Variants in PSMD5 observed in about 807,000 individuals in gnomAD.
PSMD5 encodes the protein 26S proteasome non-ATPase regulatory subunit 5.
A neutral mutation model predicts 52.1 loss-of-function variants in PSMD5; 40 were observed. That is an observed-to-expected ratio of 0.77 (90% CI 0.60 to 1.00). PSMD5 has a LOEUF of 1.00. Among genes scored for constraint, PSMD5 ranks in the 50% least tolerant of loss-of-function variants. The pLI is 0.00. For synonymous variants in PSMD5, 211 were observed against 226.6 expected, an observed-to-expected ratio of 0.93 and a Z score of 0.62; for missense variants, 575 against 605.2, an observed-to-expected ratio of 0.95 and a Z score of 0.52.
In PSMD5 at chr9:120,831,975, C is replaced by T. The variant is rs2045164588; in HGVS notation, c.319-30G>A. 12 of 1,605,084 alleles carry T rather than the reference C, an allele frequency of 7.5e-6. No homozygotes were observed. The East Asian group carries it at 2.5e-4, about 33-fold the overall frequency. ...AAGAAAAACAATCAGAAACACTCTT[C>T]TAAAGTAGGGCAACATACGGTAAAC... On this transcript the variant is annotated intron_variant, in intron 2 of 9. Transcript: ENST00000210313.
intron 6 of PSMD5, among the ~76,000 whole-genome samples, chr9:120,825,318 C>T (rs879700552): frequency 6.6e-6 from 1 of 152,144 alleles, no homozygotes; most frequent in Admixed American, 6.5e-5. Context: ...CAACAGATTC[C>T]ACCTCAATAA....
chr9:120,841,302 G>A (rs561532022), intron 1 of PSMD5, among the ~76,000 whole-genome samples: 147 of 152,166 alleles, frequency 9.7e-4, no homozygotes, highest in African/African-American at 3.3e-3. Flanking sequence ...GAGATTGGCC[G>A]GGCGCAGTGG....
intron 1 of PSMD5, among the ~76,000 whole-genome samples, chr9:120,840,014 G>C (rs981370170): frequency 6.7e-6 from 1 of 149,980 alleles, no homozygotes; most frequent in Non-Finnish European, 1.5e-5. Flanking sequence ...TATAGTCCCA[G>C]CTACTCAGGA....
rs148674214 is a variant in PSMD5 at position 120,840,371 on chromosome 9, C to T, written c.173+2366G>A. 1.2e-3 allele frequency among the ~76,000 whole-genome samples: 184 copies of T among 151,972 alleles called. 4 individuals are homozygous for T. The East Asian group carries it at 0.032, about 26-fold the overall frequency. ...CAAAGCTCAAGCGATCCACCCGCCTCAGCCTCCCAAAGTGTTAGGATTACA... is the reference window on the plus strand; with the variant it reads ...CAAAGCTCAAGCGATCCACCCGCCTTAGCCTCCCAAAGTGTTAGGATTACA... On this transcript the variant is annotated intron_variant, in intron 1 of 9. Transcript: ENST00000210313.
At chr9:120,836,890 A>ATT (rs34718162) in intron 1 of PSMD5, among the ~76,000 whole-genome samples, 20 of 136,030 alleles carry the variant, frequency 1.5e-4, no homozygotes, top group African/African-American at 2.7e-4. Flanking sequence ...CGAAGAACCG[A>ATT]TTTTTTTTTT....
At chr9:120,833,672 C>CTTTTTTTTTTTTT (rs71385094) in intron 1 of PSMD5, among the ~76,000 whole-genome samples, 1 of 85,620 alleles carries the variant, frequency 1.2e-5, no homozygotes, top group Non-Finnish European at 2.1e-5. Context: ...CTCTAGTCTT[C>CTTTTTTTTTTTTT]TTTTTTTTTT....
Position 120,817,676 on chromosome 9 carries a change from A to T in PSMD5, c.*230T>A, listed in dbSNP as rs2131417217. The stretch of plus-strand genomic sequence containing the variant: ...TAAGGCAGTGAAAGGAATCTGAAAA[A>T]CACTGGATCTATTATGACCAAGCTT... On this transcript the variant is annotated 3_prime_UTR_variant, in exon 10 of 10. Coordinates refer to ENST00000210313, the MANE Select transcript of PSMD5 (RefSeq NM_005047.4). 2.0e-6 allele frequency: 1 copy of T among 491,918 alleles called. No individual in the cohort carries two copies. Among genetic ancestry groups the T allele is most frequent in the Non-Finnish European group, 3.6e-6 (1 of 281,130 alleles). The allele number at this position is 491,918 out of a possible 1,614,324, so 30.5% of individuals were successfully genotyped here. A position where few individuals can be genotyped will look rare whatever the true frequency, so the allele number is the denominator to read the frequency against.
At chr9:120,835,041 G>A (rs779166271) in intron 1 of PSMD5, among the ~76,000 whole-genome samples, 2 of 152,182 alleles carry the variant, frequency 1.3e-5, no homozygotes, top group Non-Finnish European at 2.9e-5. Flanking sequence ...TTTTGGGTAG[G>A]TAACTACATG....
Position 120,816,797 on chromosome 9 carries a change from A to G in PSMD5, c.*1109T>C, listed in dbSNP as rs1420970391. 4 of 152,192 alleles carry G rather than the reference A, an allele frequency of 2.6e-5. No individual in the cohort carries two copies. The highest frequency in any genetic ancestry group is 6.5e-5 in the Admixed American group (1 of 15,268). 9.4% of individuals were successfully genotyped at this position (152,192 alleles called of 1,614,324 possible). A position where few individuals can be genotyped will look rare whatever the true frequency, so the allele number is the denominator to read the frequency against. On this transcript the variant is annotated 3_prime_UTR_variant, in exon 10 of 10. Transcript: ENST00000210313. ...AGATTATCCTTTGTAAATTAATGAGATGGTATCCTGATTTATGCATATGTC... is the reference window on the plus strand; with the variant it reads ...AGATTATCCTTTGTAAATTAATGAGGTGGTATCCTGATTTATGCATATGTC...
chr9:120,841,079 G>A (rs577618439), intron 1 of PSMD5, among the ~76,000 whole-genome samples: 2 of 152,174 alleles, frequency 1.3e-5, no homozygotes, highest in South Asian at 2.1e-4. Flanking sequence ...CAAACACTAC[G>A]GATGTGTAAA....
intron 9 of PSMD5, among the ~76,000 whole-genome samples, chr9:120,819,893 C>G (rs950171225): frequency 6.6e-6 from 1 of 152,132 alleles, no homozygotes; most frequent in Non-Finnish European, 1.5e-5. Flanking sequence ...AGACCCAGAT[C>G]CTGTATCGCA....
At chr9:120,833,280 G>C (rs756227200) in intron 2 of PSMD5, 32 bp downstream of exon 2, 3 of 1,606,582 alleles carry the variant, frequency 1.9e-6, no homozygotes, top group South Asian at 1.1e-5. Context: ...CAGAGCAGGT[G>C]GTCAATGTCG....
intron 7 of PSMD5, among the ~76,000 whole-genome samples, chr9:120,822,356 A>G (rs1237850100): frequency 2.0e-5 from 3 of 152,196 alleles, no homozygotes; most frequent in East Asian, 3.8e-4. Context: ...CATAATTTGT[A>G]TGACCTTAGA....
At chr9:120,839,229 T>A (rs765880901) in intron 1 of PSMD5, among the ~76,000 whole-genome samples, 1 of 150,192 alleles carries the variant, frequency 6.7e-6, no homozygotes. Context: ...AGAAGTGGAG[T>A]GGAGGAAAAA....
chr9:120,833,466 A>G lies in PSMD5; in HGVS notation c.174-10T>C. Reference sequence around the variant, plus strand: ...CAAAGTAGTCTTTTCCCTGAAGGAGACATCATAAATCTTATTAGTTCATAT... The same window carrying G: ...CAAAGTAGTCTTTTCCCTGAAGGAGGCATCATAAATCTTATTAGTTCATAT... On this transcript the variant is annotated splice_polypyrimidine_tract_variant and intron_variant, in intron 1 of 9. Transcript: ENST00000210313. 6.2e-7 allele frequency: 1 copy of G among 1,611,518 alleles called. No individual in the cohort carries two copies. The highest frequency in any genetic ancestry group is 8.5e-7 in the Non-Finnish European group (1 of 1,178,324).
intron 5 of PSMD5, 132 bp from the exon 6 acceptor site, chr9:120,827,039 T>A: frequency 1.1e-6 from 1 of 915,948 alleles, no homozygotes. Context: ...TGGCTCCTCT[T>A]TTCACATGAA....
At chr9:120,837,228 T>G (rs1477016910) in intron 1 of PSMD5, among the ~76,000 whole-genome samples, 2 of 152,234 alleles carry the variant, frequency 1.3e-5, no homozygotes, top group Non-Finnish European at 2.9e-5. Context: ...TTCACCATGT[T>G]GGTCAGGCTG....
chr9:120,828,244 T>C (rs111609236), intron 5 of PSMD5, among the ~76,000 whole-genome samples: 1,735 of 151,826 alleles, frequency 0.011, 46 homozygotes, highest in African/African-American at 0.039. Flanking sequence ...AGGTAATCCA[T>C]CCGCCTCAGC....
intron 1 of PSMD5, chr9:120,841,667 T>TA (rs757859949): frequency 6.6e-6 from 1 of 152,214 alleles, no homozygotes; most frequent in Non-Finnish European, 1.5e-5. Flanking sequence ...CTCAATAACT[T>TA]AAATAACTGC....
Sources: gnomAD v4.1 joint callset for allele counts (sites outside exome capture counted in the v4.1 genomes callset) on GRCh38, gnomAD v4.1.1 for gene constraint, MANE v1.5 for transcripts, NCBI Gene and HGNC (gene_info 2026-07-23, HGNC 2026-07-21) for gene names.